Variants in EIF2AK1 observed in about 807,000 individuals in gnomAD.
EIF2AK1 encodes the protein eukaryotic translation initiation factor 2 alpha kinase 1, also known as eukaryotic translation initiation factor 2-alpha kinase 1.
In EIF2AK1, 54 loss-of-function variants were observed where a neutral mutation model predicts 77.9. The ratio of observed to expected loss-of-function variants is 0.69; its 90% CI spans 0.56 to 0.87. EIF2AK1 has a LOEUF of 0.87. Ranked by LOEUF, EIF2AK1 falls within the 40% of genes least tolerant of loss-of-function variation. The pLI, the probability that EIF2AK1 is intolerant of heterozygous loss-of-function variation, is 0.00. For missense variants in EIF2AK1, 810 were observed against 768.6 expected (o/e 1.05, Z -0.64); for synonymous variants, 314 against 290.5 (o/e 1.08, Z -0.82).
At chr7:6,050,080 C>T (rs1325161736) in intron 2 of EIF2AK1, 35 bp from the exon 3 acceptor site, 2 of 1,559,562 alleles carry the variant, frequency 1.3e-6, no homozygotes, top group Admixed American at 1.9e-5. Flanking sequence ...TTATTAGAAA[C>T]ATCTTTAATA....
In EIF2AK1 at chr7:6,045,733, T is replaced by TTATATATA. The variant is rs57579824; in HGVS notation, c.630+330_630+337dup. On this transcript the variant is annotated intron_variant, in intron 6 of 14. Coordinates refer to ENST00000199389, the MANE Select transcript of EIF2AK1 (RefSeq NM_014413.4). Reference sequence around the variant, plus strand: ...TTAAGAAGTTAACATATTTTAAAAATTATATATATATATATATATAAATTA... The same window carrying TTATATATA: ...TTAAGAAGTTAACATATTTTAAAAATTATATATATATATATATATATATATATAAATTA... Among the ~76,000 whole-genome samples the TTATATATA allele has an allele frequency of 7.0e-3, 961 of 138,006 alleles. 13 individuals are homozygous for TTATATATA. The highest frequency in any genetic ancestry group is 0.022 in the African/African-American group (864 of 38,428). 90.5% of individuals were successfully genotyped at this position (138,006 alleles called of 152,430 possible). A position where few individuals can be genotyped will look rare whatever the true frequency, so the allele number is the denominator to read the frequency against.
intron 11 of EIF2AK1, among the ~76,000 whole-genome samples, chr7:6,029,794 C>T (rs1476159265): frequency 2.6e-5 from 4 of 151,974 alleles, no homozygotes; most frequent in Admixed American, 6.6e-5. Flanking sequence ...ACCAGGCTGG[C>T]CAACATGGTG....
intron 2 of EIF2AK1, 127 bp from the exon 3 acceptor site, chr7:6,050,172 T>C (rs1788566519): frequency 2.7e-6 from 2 of 752,292 alleles, no homozygotes; most frequent in South Asian, 2.3e-5. Flanking sequence ...AAAAATACTA[T>C]ATTTATAAAC....
chr7:6,048,880 A>AGCGCCGGCGAGCGCCGCCCGGG, intron 3 of EIF2AK1, 36 bp from the exon 4 acceptor site: 1 of 1,460,040 alleles, frequency 6.8e-7, no homozygotes, highest in Non-Finnish European at 9.4e-7. Flanking sequence ...AAGCATTTTG[A>AGCGCCGGCGAGCGCCGCCCGGG]AAACTTGCAT....
At chr7:6,043,138 A>G in intron 7 of EIF2AK1, 145 bp from the exon 8 acceptor site, 1 of 782,188 alleles carries the variant, frequency 1.3e-6, no homozygotes, top group East Asian at 2.7e-5. Context: ...CAAAAAGTTT[A>G]TTCAAATGGC....
At chr7:6,052,584 TAAAAAAA>T (rs56106343) in intron 2 of EIF2AK1, among the ~76,000 whole-genome samples, 16 of 97,148 alleles carry the variant, frequency 1.6e-4, no homozygotes, top group Admixed American at 2.9e-4. Flanking sequence ...ACTGTTTTGG[TAAAAAAA>T]AAAAAAAAAA....
At chr7:6,042,041 C>T (rs940553569) in intron 8 of EIF2AK1, among the ~76,000 whole-genome samples, 1 of 151,784 alleles carries the variant, frequency 6.6e-6, no homozygotes, top group Admixed American at 6.6e-5. Flanking sequence ...CCCAGCTACT[C>T]AGGCAGCTAA....
intron 7 of EIF2AK1, among the ~76,000 whole-genome samples, chr7:6,043,721 C>A (rs1788363973): frequency 6.6e-6 from 1 of 151,860 alleles, no homozygotes; most frequent in Non-Finnish European, 1.5e-5. Context: ...GCCACACTGC[C>A]CCCAGCTAAC....
rs1445933897 is a variant in EIF2AK1 at position 6,028,941 on chromosome 7, T to G, written c.1424A>C (p.Asp475Ala). Residue 475 changes from aspartate to alanine, a missense_variant, in exon 12 of 15, where the codon GAC becomes GCC. Physicochemically the swap from Asp to Ala is moderately radical, Grantham distance 126 (BLOSUM62 -2). Transcript: ENST00000199389. The part of the protein sequence containing the change: ...ACTDILQKNT[D>A]WTNRNGKRTP... ...ACTCTTCCCGTTTCTGTTGGTCCAG[T>G]CTGTGTTCTTCTGTAGGATGTCTGT... 6 of 1,608,996 alleles carry G rather than the reference T, an allele frequency of 3.7e-6. No individual in the cohort carries two copies. The highest frequency in any genetic ancestry group is 5.1e-6 in the Non-Finnish European group (6 of 1,178,916).
intron 10 of EIF2AK1, 30 bp downstream of exon 10, chr7:6,038,530 C>G: frequency 6.3e-7 from 1 of 1,575,056 alleles, no homozygotes; most frequent in Non-Finnish European, 8.7e-7. Context: ...GTGTCTATTT[C>G]CCGGCCCGGC....
chr7:6,054,649 G>A lies in EIF2AK1; in HGVS notation c.174C>T (p.Thr58=), dbSNP rs1200904426. The change falls in exon 2 of 15, where the codon ACC becomes ACT. Residue 58 remains threonine (T), a synonymous_variant. Coordinates refer to ENST00000199389, the MANE Select transcript of EIF2AK1 (RefSeq NM_014413.4). Reference sequence around the variant, plus strand: ...GTTGGTTTGCAACTGCAAAAGGGAAGGTTGGCTGTTGTAGGGGTTCTTTTA... The same window carrying A: ...GTTGGTTTGCAACTGCAAAAGGGAAAGTTGGCTGTTGTAGGGGTTCTTTTA... The part of the protein sequence containing the change: ...QVLKEPLQQP[T]FPFAVANQLL... 13 of 1,614,180 alleles carry A rather than the reference G, an allele frequency of 8.1e-6. No individual in the cohort carries two copies. The highest frequency in any genetic ancestry group is 3.3e-5 in the Admixed American group (2 of 60,008).
chr7:6,025,690 C>T (rs1328418003), intron 14 of EIF2AK1, among the ~76,000 whole-genome samples: 1 of 152,134 alleles, frequency 6.6e-6, no homozygotes, highest in East Asian at 1.9e-4. Flanking sequence ...GGCTGGAGTA[C>T]AGTGGTGTGA....
chr7:6,049,780 C>A, intron 3 of EIF2AK1, 132 bp downstream of exon 3: 1 of 860,574 alleles, frequency 1.2e-6, no homozygotes. Context: ...AGCCACACCA[C>A]CATGCCTGGC....
chr7:6,036,094 G>C lies in EIF2AK1; in HGVS notation c.1332+1330C>G, dbSNP rs1433524782. ...CCAATTTATATGTACCTTCAGCGCA[G>C]TTGCAATGTAAGAGATACGGCACTT... is the stretch of plus-strand genomic sequence containing the variant. On this transcript the variant is annotated intron_variant, in intron 11 of 14. Transcript: ENST00000199389. The surrounding 1 kb of genome is among the most constrained non-coding windows in gnomAD (Gnocchi z 4.6). 6 of 1,550,756 alleles carry C rather than the reference G, an allele frequency of 3.9e-6. No individual in the cohort carries two copies. Among genetic ancestry groups the C allele is most frequent in the Non-Finnish European group, 5.2e-6 (6 of 1,147,092 alleles).
chr7:6,036,088 A>G lies in EIF2AK1; in HGVS notation c.1332+1336T>C, dbSNP rs1238473049. The G allele has an allele frequency of 1.9e-6, 3 of 1,550,920 alleles. No homozygotes were observed. The highest frequency in any genetic ancestry group is 4.9e-5 in the East Asian group (2 of 40,920). On this transcript the variant is annotated intron_variant, in intron 11 of 14. Coordinates refer to ENST00000199389, the MANE Select transcript of EIF2AK1 (RefSeq NM_014413.4). This position sits in a 1 kb window ranked among gnomAD's most constrained non-coding sequence, Gnocchi z 4.6. ...GAATCTCCAATTTATATGTACCTTCAGCGCAGTTGCAATGTAAGAGATACG... is the reference window on the plus strand; with the variant it reads ...GAATCTCCAATTTATATGTACCTTCGGCGCAGTTGCAATGTAAGAGATACG...
chr7:6,023,089 G>C lies in EIF2AK1; in HGVS notation c.*1584C>G. ...AGTGTCATAATCAAATACCAGGAAT[G>C]ACTCTTTGGTTACTTTTTTAACATA... On this transcript the variant is annotated 3_prime_UTR_variant, in exon 15 of 15. Transcript: ENST00000199389. The C allele has an allele frequency of 1.8e-6, 1 of 560,372 alleles. No homozygotes were observed. Among genetic ancestry groups the C allele is most frequent in the Non-Finnish European group, 3.0e-6 (1 of 331,140 alleles). The allele number at this position is 560,372 out of a possible 1,614,324, so 34.7% of individuals were successfully genotyped here. A position where few individuals can be genotyped will look rare whatever the true frequency, so the allele number is the denominator to read the frequency against.
Position 6,035,073 on chromosome 7 carries a change from A to T in EIF2AK1, c.1332+2351T>A, listed in dbSNP as rs1016377779. Among the ~76,000 whole-genome samples the T allele has an allele frequency of 2.0e-4, 30 of 152,362 alleles. No individual in the cohort carries two copies. The highest frequency in any genetic ancestry group is 7.0e-4 in the African/African-American group (29 of 41,598). Reference sequence around the variant, plus strand: ...AGCACTGTGTGAGGTGCCAGACTGCAGAAATCACTAAGATACAGCCTTGAA... The same window carrying T: ...AGCACTGTGTGAGGTGCCAGACTGCTGAAATCACTAAGATACAGCCTTGAA... On this transcript the variant is annotated intron_variant, in intron 11 of 14. Transcript: ENST00000199389. The surrounding 1 kb of genome is among the most constrained non-coding windows in gnomAD (Gnocchi z 5.5).
intron 4 of EIF2AK1, 143 bp from the exon 5 acceptor site, chr7:6,047,234 A>T (rs755264839): frequency 4.5e-6 from 4 of 885,410 alleles, no homozygotes; most frequent in Middle Eastern, 2.1e-4. Flanking sequence ...GGCTAAAATG[A>T]AATTTTTCAT....
chr7:6,030,176 C>T (rs143550731), intron 11 of EIF2AK1, among the ~76,000 whole-genome samples: 1 of 152,194 alleles, frequency 6.6e-6, no homozygotes, highest in African/African-American at 2.4e-5. Flanking sequence ...GAGGAGTCAG[C>T]CCATAAAAGG....
Sources: allele counts gnomAD v4.1 joint callset (sites outside exome capture counted in the v4.1 genomes callset), GRCh38; gene constraint gnomAD v4.1.1; non-coding constraint Gnocchi (gnomAD v3.1); transcripts MANE v1.5; gene names NCBI Gene and HGNC (gene_info 2026-07-23, HGNC 2026-07-21).